Variants in VPS4B observed in about 807,000 individuals in gnomAD.
The protein encoded by VPS4B is vacuolar protein sorting 4 homolog B, also known as vacuolar protein sorting-associated protein 4B.
A neutral mutation model predicts 56.1 loss-of-function variants in VPS4B; 23 were observed. That is an observed-to-expected ratio of 0.41 (90% CI 0.30 to 0.58). The LOEUF is 0.58. Among genes scored for constraint, VPS4B ranks in the 20% least tolerant of loss-of-function variants. The pLI is 0.29. For synonymous variants in VPS4B, 177 were observed against 186.0 expected (o/e 0.95, Z 0.39); for missense variants, 372 against 531.9 (o/e 0.70, Z 2.96).
At chr18:63,396,851 G>A (rs1311277821) in intron 9 of VPS4B, 183 bp downstream of exon 9, 17 of 590,480 alleles carry the variant, frequency 2.9e-5, no homozygotes, top group Non-Finnish European at 4.7e-5. Flanking sequence ...TTAGCCAGGC[G>A]TGGTGGCACA....
At chr18:63,397,408 C>A (rs1915696442) in intron 8 of VPS4B, among the ~76,000 whole-genome samples, 155 bp from the exon 9 acceptor site, 1 of 152,054 alleles carries the variant, frequency 6.6e-6, no homozygotes, top group African/African-American at 2.4e-5. Flanking sequence ...TAAAAACAAA[C>A]AAATAAAATC....
intron 1 of VPS4B, among the ~76,000 whole-genome samples, chr18:63,413,798 T>C (rs956896683): frequency 1.3e-5 from 2 of 152,152 alleles, no homozygotes; most frequent in African/African-American, 4.8e-5. Context: ...ATGGATTGGA[T>C]ATAACTGGGC....
chr18:63,394,405 C>A (rs1291447064), intron 9 of VPS4B, among the ~76,000 whole-genome samples: 1 of 151,464 alleles, frequency 6.6e-6, no homozygotes, highest in African/African-American at 2.4e-5. Flanking sequence ...GAAAAAGAAT[C>A]TTTGTGACAT....
At chr18:63,415,933 C>A (rs908720076) in intron 1 of VPS4B, 13 of 205,082 alleles carry the variant, frequency 6.3e-5, no homozygotes, top group African/African-American at 2.6e-4. Context: ...TTGTGTGATA[C>A]CCAGTGCTTC....
chr18:63,410,747 C>T (rs1398376744), intron 2 of VPS4B, among the ~76,000 whole-genome samples: 14 of 152,310 alleles, frequency 9.2e-5, no homozygotes, highest in Non-Finnish European at 1.5e-4. Flanking sequence ...TTTTCCCTTA[C>T]ATTTTTGCAG....
intron 5 of VPS4B, 96 bp downstream of exon 5, chr18:63,403,611 G>T: frequency 7.9e-7 from 1 of 1,271,808 alleles, no homozygotes. Context: ...ATTTATTTAA[G>T]ATAATTCATT....
chr18:63,408,239 A>G (rs1255883077), intron 3 of VPS4B, among the ~76,000 whole-genome samples: 1 of 152,212 alleles, frequency 6.6e-6, no homozygotes, highest in Non-Finnish European at 1.5e-5. Flanking sequence ...TGTTAAGTAT[A>G]AAAGTGATAA....
At chr18:63,417,556 C>T (rs1482283754) in intron 1 of VPS4B, among the ~76,000 whole-genome samples, 1 of 152,168 alleles carries the variant, frequency 6.6e-6, no homozygotes. Flanking sequence ...GTATATTCAT[C>T]AGGTGTGGGC....
chr18:63,416,601 C>T (rs930369207), intron 1 of VPS4B: 1 of 152,272 alleles, frequency 6.6e-6, no homozygotes, highest in Non-Finnish European at 1.5e-5. Context: ...TCAGTCTGTT[C>T]CCACCCTTGC....
chr18:63,417,839 T>C (rs575796574), intron 1 of VPS4B, among the ~76,000 whole-genome samples: 1 of 152,232 alleles, frequency 6.6e-6, no homozygotes, highest in African/African-American at 2.4e-5. Flanking sequence ...CAGTTATCCA[T>C]ACGGAAGTAT....
chr18:63,401,187 G>T (rs1915799591), intron 5 of VPS4B, among the ~76,000 whole-genome samples: 1 of 152,214 alleles, frequency 6.6e-6, no homozygotes, highest in African/African-American at 2.4e-5. Context: ...TGGATGACTT[G>T]TGAGTTTCTG....
chr18:63,411,478 T>A lies in VPS4B; in HGVS notation c.128A>T (p.His43Leu). 1.3e-6 allele frequency: 2 copies of A among 1,558,018 alleles called. No homozygotes were observed. The highest frequency in any genetic ancestry group is 1.7e-6 in the Non-Finnish European group (2 of 1,151,572). Residue 43 changes from histidine (H) to leucine (L), a missense_variant, in exon 2 of 11, where the codon CAT (histidine) becomes CTT (leucine). Physicochemically the swap from His to Leu is moderately conservative, Grantham distance 99. This residue lies in a region of VPS4B where 153 missense variants were observed against 190.3 expected (regional missense o/e 0.80). Transcript: ENST00000238497. ...LYQHAVQYFL[H>L]VVKYEAQGDK... is the part of the protein sequence containing the mutation. The stretch of plus-strand genomic sequence containing the variant: ...ACCTATGGCCTCACATTTAACGACA[T>A]GAAGAAAATACTGCACAGCATGCTG...
chr18:63,419,526 C>T (rs1916248120), intron 1 of VPS4B, among the ~76,000 whole-genome samples: 1 of 152,186 alleles, frequency 6.6e-6, no homozygotes, highest in African/African-American at 2.4e-5. Context: ...ACTAATTTGG[C>T]CCCTTACCGC....
chr18:63,419,381 C>T (rs984988420), intron 1 of VPS4B, among the ~76,000 whole-genome samples: 2 of 151,898 alleles, frequency 1.3e-5, no homozygotes, highest in Non-Finnish European at 2.9e-5. Context: ...CATGCCACTG[C>T]ACTCCTGCCT....
intron 9 of VPS4B, among the ~76,000 whole-genome samples, chr18:63,395,856 T>C (rs1915656945): frequency 6.6e-6 from 1 of 152,204 alleles, no homozygotes; most frequent in South Asian, 2.1e-4. Flanking sequence ...GATAGCAGAA[T>C]GGCTGAGATT....
intron 2 of VPS4B, 118 bp downstream of exon 2, chr18:63,411,343 ATTTTTT>A: frequency 1.8e-6 from 1 of 545,582 alleles, no homozygotes. Flanking sequence ...AAAGTGGAGT[ATTTTTT>A]TTTTTTAACA....
intron 9 of VPS4B, 63 bp downstream of exon 9, chr18:63,396,971 C>T (rs1007411971): frequency 2.0e-6 from 3 of 1,508,680 alleles, no homozygotes; most frequent in African/African-American, 1.5e-5. Flanking sequence ...GCCTGGGCAA[C>T]AGAGTGAGAC....
intron 1 of VPS4B, among the ~76,000 whole-genome samples, chr18:63,419,273 G>T (rs1226875304): frequency 2.0e-5 from 3 of 152,204 alleles, no homozygotes; most frequent in Non-Finnish European, 4.4e-5. Context: ...AATTAGCTGG[G>T]TGTGTTGGTG....
intron 10 of VPS4B, among the ~76,000 whole-genome samples, chr18:63,392,592 G>A (rs576696773): frequency 1.3e-5 from 2 of 151,200 alleles, no homozygotes; most frequent in South Asian, 2.1e-4. Context: ...GGGACTACAC[G>A]CACGTGCCAC....
Sources: gnomAD v4.1 joint callset for allele counts (sites outside exome capture counted in the v4.1 genomes callset) on GRCh38, gnomAD v4.1.1 for gene constraint, gnomAD v4.1.1 regional missense constraint, MANE v1.5 for transcripts, NCBI Gene and HGNC (gene_info 2026-07-23, HGNC 2026-07-21) for gene names.